Variants in THUMPD2 observed in about 807,000 individuals in gnomAD.
THUMPD2 encodes U6 snRNA (guanine-N(2))-methyltransferase THUMPD2.
In THUMPD2, 56 loss-of-function variants were observed where a neutral mutation model predicts 49.4. That is an observed-to-expected ratio of 1.13 (90% CI 0.91 to 1.41). The LOEUF is 1.41. Among genes scored for constraint, THUMPD2 ranks in the 40% most tolerant of loss-of-function variants. The pLI is 0.00. For synonymous variants in THUMPD2, 237 were observed against 205.2 expected (o/e 1.15, Z -1.32); for missense variants, 709 against 594.5 (o/e 1.19, Z -2.00).
chr2:39,741,370 A>C (rs1673875806), intron 9 of THUMPD2, among the ~76,000 whole-genome samples: 1 of 152,200 alleles, frequency 6.6e-6, no homozygotes, highest in Non-Finnish European at 1.5e-5. Flanking sequence ...CTCAAGAAAT[A>C]CTTAATAAAC....
chr2:39,764,477 A>C (rs1381123706), intron 5 of THUMPD2, among the ~76,000 whole-genome samples: 1 of 152,238 alleles, frequency 6.6e-6, no homozygotes, highest in Non-Finnish European at 1.5e-5. Flanking sequence ...AGCTATATAC[A>C]GTTAATGCTT....
In THUMPD2 at chr2:39,779,175, G is replaced by C; in HGVS notation, c.65C>G (p.Ala22Gly). 8 of 1,520,718 alleles carry C rather than the reference G, an allele frequency of 5.3e-6. No individual in the cohort carries two copies. Among genetic ancestry groups the C allele is most frequent in the Non-Finnish European group, 7.0e-6 (8 of 1,139,588 alleles). 94.2% of individuals were successfully genotyped at this position (1,520,718 alleles called of 1,614,324 possible). Reference sequence around the variant, plus strand: ...TACGAACGGCTCCAGGCCGCGACCCGCAGTGCAGAAGAATCGGGCGCCAGC... The same window carrying C: ...TACGAACGGCTCCAGGCCGCGACCCCCAGTGCAGAAGAATCGGGCGCCAGC... ...PEAGARFFCT[A>G]GRGLEPFVMR... Residue 22 changes from alanine (A) to glycine (G), a missense_variant, in exon 1 of 10, where the codon GCG becomes GGG. Ala to Gly is a moderately conservative substitution (Grantham distance 60). Coordinates refer to ENST00000505747, the MANE Select transcript of THUMPD2 (RefSeq NM_025264.5).
At chr2:39,754,791 T>C (rs924513958) in intron 8 of THUMPD2, among the ~76,000 whole-genome samples, 1 of 152,210 alleles carries the variant, frequency 6.6e-6, no homozygotes, top group African/African-American at 2.4e-5. Flanking sequence ...ACTGTCCTGG[T>C]TTACTCCAGA....
chr2:39,772,584 GA>G (rs1311426966), intron 1 of THUMPD2, among the ~76,000 whole-genome samples: 1 of 152,170 alleles, frequency 6.6e-6, no homozygotes, highest in African/African-American at 2.4e-5. Flanking sequence ...GAAGGAAAAT[GA>G]AAAGAGCACT....
rs1183064434 is a variant in THUMPD2, at chr2:39,736,725, A to G, written c.*10T>C. Reference sequence around the variant, plus strand: ...CAAGGGCCTGAACCCGGCTGATGGCAGCAAGCCTGCTACAGTCCAGAAGAG... The same window carrying G: ...CAAGGGCCTGAACCCGGCTGATGGCGGCAAGCCTGCTACAGTCCAGAAGAG... On this transcript the variant is annotated 3_prime_UTR_variant, in exon 10 of 10. Transcript: ENST00000505747. The G allele has an allele frequency of 6.2e-7, 1 of 1,607,260 alleles. No individual in the cohort carries two copies. Among genetic ancestry groups the G allele is most frequent in the African/African-American group, 1.3e-5 (1 of 74,732 alleles).
intron 9 of THUMPD2, among the ~76,000 whole-genome samples, chr2:39,738,932 G>A (rs1398805961): frequency 2.0e-5 from 3 of 152,064 alleles, no homozygotes; most frequent in Non-Finnish European, 4.4e-5. Flanking sequence ...CAAGAGTTAA[G>A]GGGAATCTGC....
At chr2:39,766,767 C>T (rs1186250400) in intron 4 of THUMPD2, among the ~76,000 whole-genome samples, 1 of 152,088 alleles carries the variant, frequency 6.6e-6, no homozygotes, top group African/African-American at 2.4e-5. Context: ...CTGATACTCG[C>T]ACCCCAAGAT....
At chr2:39,755,259 C>T in intron 8 of THUMPD2, 36 bp downstream of exon 8, 1 of 1,296,364 alleles carries the variant, frequency 7.7e-7, no homozygotes, top group South Asian at 1.4e-5. Context: ...TTACATTGTT[C>T]CTTTTCTCAA....
intron 6 of THUMPD2, among the ~76,000 whole-genome samples, chr2:39,760,612 A>G (rs1676697011): frequency 6.6e-6 from 1 of 152,196 alleles, no homozygotes; most frequent in East Asian, 1.9e-4. Context: ...TGGAGTAAAA[A>G]TAGCTATGTG....
chr2:39,761,336 T>G lies in THUMPD2; in HGVS notation c.886A>C (p.Ile296Leu), dbSNP rs776225848. ...IAWAMASLADIKAGAFVLDPM... is the reference protein window; with the variant it reads ...IAWAMASLADLKAGAFVLDPM... ...AAGGAAAACATTTTTCTTACCTTAA[T>G]GTCAGCCAGAGATGCCATTGCCCAC... The change falls in exon 6 of 10, where the codon ATT becomes CTT. Residue 296 changes from isoleucine to leucine, a missense_variant. Coordinates refer to ENST00000505747, the MANE Select transcript of THUMPD2 (RefSeq NM_025264.5). 7.4e-6 allele frequency: 12 copies of G among 1,613,774 alleles called. No individual in the cohort carries two copies. In the Middle Eastern group the frequency reaches 5.0e-4, roughly 67 times the overall value.
chr2:39,749,950 C>G (rs939081324), intron 8 of THUMPD2, among the ~76,000 whole-genome samples: 1 of 152,194 alleles, frequency 6.6e-6, no homozygotes, highest in Non-Finnish European at 1.5e-5. Context: ...TATGTTTACA[C>G]AGTATTTTAC....
chr2:39,755,713 A>C (rs1314262450), intron 7 of THUMPD2, among the ~76,000 whole-genome samples, 176 bp downstream of exon 7: 1 of 151,910 alleles, frequency 6.6e-6, no homozygotes, highest in Non-Finnish European at 1.5e-5. Flanking sequence ...CATAGTATTT[A>C]AAGAAACAAC....
intron 1 of THUMPD2, among the ~76,000 whole-genome samples, chr2:39,778,816 T>A (rs1045629810): frequency 6.6e-6 from 1 of 152,240 alleles, no homozygotes; most frequent in African/African-American, 2.4e-5. Flanking sequence ...GGCCAGATTC[T>A]AATTACAGGC....
intron 5 of THUMPD2, among the ~76,000 whole-genome samples, chr2:39,762,873 C>G (rs1227971452): frequency 1.3e-5 from 2 of 151,176 alleles, no homozygotes; most frequent in African/African-American, 2.4e-5. Flanking sequence ...TATATGGAAC[C>G]TTTCAAAGTT....
chr2:39,739,377 C>T (rs1438767468), intron 9 of THUMPD2, among the ~76,000 whole-genome samples: 1 of 152,198 alleles, frequency 6.6e-6, no homozygotes, highest in Non-Finnish European at 1.5e-5. Context: ...GCGTTTATCA[C>T]TCATTCTTAT....
intron 1 of THUMPD2, 61 bp from the exon 2 acceptor site, chr2:39,771,701 C>T (rs1678340136): frequency 6.6e-7 from 1 of 1,508,178 alleles, no homozygotes; most frequent in Non-Finnish European, 9.0e-7. Flanking sequence ...CATATTTTTT[C>T]CCTCAAGATA....
intron 8 of THUMPD2, among the ~76,000 whole-genome samples, chr2:39,749,806 G>A (rs1164194686): frequency 6.6e-6 from 1 of 151,704 alleles, no homozygotes; most frequent in East Asian, 1.9e-4. Context: ...CCAACCACGT[G>A]TTCTCATCGT....
chr2:39,768,479 A>G lies in THUMPD2; in HGVS notation c.695T>C (p.Ile232Thr), dbSNP rs760287205. Residue 232 changes from isoleucine (I) to threonine (T), a missense_variant, in exon 4 of 10, where the codon ATT (isoleucine) becomes ACT (threonine). Coordinates refer to ENST00000505747, the MANE Select transcript of THUMPD2 (RefSeq NM_025264.5). Reference sequence around the variant, plus strand: ...CCATCCAAAGTGTTTCATAATAGCAATTCCAATTACTTTTCCTACCTCCTG... The same window carrying G: ...CCATCCAAAGTGTTTCATAATAGCAGTTCCAATTACTTTTCCTACCTCCTG... ...TAQEVGKVIG[I>T]AIMKHFGWKA... 8.1e-6 allele frequency: 13 copies of G among 1,612,712 alleles called. No individual in the cohort carries two copies. Among genetic ancestry groups the G allele is most frequent in the African/African-American group, 1.3e-5 (1 of 74,872 alleles).
intron 6 of THUMPD2, among the ~76,000 whole-genome samples, chr2:39,756,979 G>T (rs1232043296): frequency 6.6e-6 from 1 of 151,344 alleles, no homozygotes; most frequent in Non-Finnish European, 1.5e-5. Context: ...GAGATTTTTG[G>T]AAGAGATACC....
Sources: gnomAD v4.1 joint callset for allele counts (sites outside exome capture counted in the v4.1 genomes callset) on GRCh38, gnomAD v4.1.1 for gene constraint, MANE v1.5 for transcripts, NCBI Gene and HGNC (gene_info 2026-07-23, HGNC 2026-07-21) for gene names.